Variants in WDR70 observed in about 807,000 individuals in gnomAD.
The protein encoded by WDR70 is WD repeat-containing protein 70.
A neutral mutation model predicts 88.6 loss-of-function variants in WDR70; 53 were observed. That is an observed-to-expected ratio of 0.60 (90% confidence interval 0.48 to 0.75). The LOEUF is 0.75. Ranked by LOEUF, WDR70 falls within the 30% of genes least tolerant of loss-of-function variation. WDR70 has a pLI of 0.00. For synonymous variants in WDR70, 280 were observed against 270.0 expected (o/e 1.04, Z -0.36); for missense variants, 610 against 823.2 (o/e 0.74, Z 3.17).
At chr5:37,736,184 T>A (rs1748301006) in intron 17 of WDR70, among the ~76,000 whole-genome samples, 6 of 152,196 alleles carry the variant, frequency 3.9e-5, no homozygotes. Context: ...GATAGATGTG[T>A]GTGGGAGCCT....
chr5:37,583,295 G>A lies in WDR70; in HGVS notation c.918-21769G>A, dbSNP rs1002691403. ...CAAAAAGTTAGCCAGGCGTGGTGGC[G>A]GGCTAGTCCCAGCTACTCTGGAGGC... is the stretch of plus-strand genomic sequence containing the variant. On this transcript the variant is annotated intron_variant, in intron 9 of 17. Transcript: ENST00000265107. Among the ~76,000 whole-genome samples the A allele has an allele frequency of 5.9e-5, 9 of 151,808 alleles. No individual in the cohort carries two copies. In the South Asian group the frequency reaches 6.3e-4, roughly 11 times the overall value.
At chr5:37,614,864 A>G (rs911666918) in intron 10 of WDR70, among the ~76,000 whole-genome samples, 1 of 152,208 alleles carries the variant, frequency 6.6e-6, no homozygotes, top group Non-Finnish European at 1.5e-5. Flanking sequence ...TAAACAGAAT[A>G]AGCAAGTCAG....
intron 9 of WDR70, among the ~76,000 whole-genome samples, chr5:37,586,175 T>C (rs1743359513): frequency 6.6e-6 from 1 of 152,178 alleles, no homozygotes; most frequent in South Asian, 2.1e-4. Flanking sequence ...CAGGTTTTAT[T>C]GATTCCCTTC....
At chr5:37,681,225 G>C (rs752014191) in intron 10 of WDR70, among the ~76,000 whole-genome samples, 12 of 150,266 alleles carry the variant, frequency 8.0e-5, no homozygotes, top group Admixed American at 4.0e-4. Flanking sequence ...ATTGCATCTT[G>C]GCTTGGCTGT....
intron 17 of WDR70, among the ~76,000 whole-genome samples, chr5:37,731,771 T>A (rs1192916975): frequency 6.6e-6 from 1 of 152,178 alleles, no homozygotes; most frequent in Non-Finnish European, 1.5e-5. Flanking sequence ...AATACTGATA[T>A]AAATACTCTT....
chr5:37,577,916 A>C (rs1743104717), intron 9 of WDR70, among the ~76,000 whole-genome samples: 1 of 152,210 alleles, frequency 6.6e-6, no homozygotes, highest in African/African-American at 2.4e-5. Context: ...GACATTGTAT[A>C]GGTGGTGTTG....
chr5:37,490,818 T>C (rs1740044115), intron 8 of WDR70, among the ~76,000 whole-genome samples: 1 of 152,114 alleles, frequency 6.6e-6, no homozygotes, highest in Non-Finnish European at 1.5e-5. Flanking sequence ...TACTGGATGC[T>C]GTGTGATCCA....
At chr5:37,554,678 GCACACACACA>G (rs3068425) in intron 9 of WDR70, among the ~76,000 whole-genome samples, 1 of 147,670 alleles carries the variant, frequency 6.8e-6, no homozygotes, top group Non-Finnish European at 1.5e-5. Context: ...GCACCTGCAC[GCACACACACA>G]CACACACACA....
At chr5:37,498,811 G>T (rs568105470) in intron 8 of WDR70, among the ~76,000 whole-genome samples, 2 of 152,318 alleles carry the variant, frequency 1.3e-5, no homozygotes, top group Admixed American at 1.3e-4. Context: ...AAACATTTGT[G>T]TGTAGGTTTC....
intron 9 of WDR70, among the ~76,000 whole-genome samples, chr5:37,563,785 C>A (rs1343162532): frequency 7.6e-6 from 1 of 132,446 alleles, no homozygotes; most frequent in Admixed American, 7.8e-5. Flanking sequence ...GGCTGCCGGG[C>A]GGAGGGGCTC....
At chr5:37,461,105 C>CA (rs10547667) in intron 7 of WDR70, among the ~76,000 whole-genome samples, 898 of 62,276 alleles carry the variant, frequency 0.014, 15 homozygotes, top group African/African-American at 0.043. Flanking sequence ...TTTCTAACCT[C>CA]AAAAAAAAAA....
chr5:37,455,415 T>C (rs1395097950), intron 7 of WDR70, among the ~76,000 whole-genome samples: 1 of 151,740 alleles, frequency 6.6e-6, no homozygotes, highest in East Asian at 1.9e-4. Context: ...CTAATTTTTG[T>C]ATTTTTAGTA....
In WDR70 at chr5:37,701,102, C is replaced by T. The variant is rs759624934; in HGVS notation, c.1237C>T (p.Pro413Ser). Residue 413 changes from proline (P) to serine (S), a missense_variant, in exon 12 of 18, where the codon CCA becomes TCA. Pro to Ser is a moderately conservative substitution (Grantham distance 74). This residue lies in a region of WDR70 where 254 missense variants were observed against 300.7 expected (regional missense o/e 0.84). Transcript: ENST00000265107. ...KLWDIRQFNK[P>S]LFSASGLPTM... ...ATGGGACATCCGACAATTTAATAAA[C>T]CACTTTTTTCAGCCTCGGGTCTTCC... 3 of 1,612,488 alleles carry T rather than the reference C, an allele frequency of 1.9e-6. No individual in the cohort carries two copies. The highest frequency in any genetic ancestry group is 2.5e-6 in the Non-Finnish European group (3 of 1,178,872).
intron 10 of WDR70, among the ~76,000 whole-genome samples, chr5:37,655,829 C>T (rs1438298604): frequency 6.6e-6 from 1 of 151,934 alleles, no homozygotes; most frequent in Non-Finnish European, 1.5e-5. Context: ...TTCTTGTTAG[C>T]AATTCCTCTA....
chr5:37,596,603 T>G (rs907292566), intron 9 of WDR70, among the ~76,000 whole-genome samples: 2 of 152,148 alleles, frequency 1.3e-5, no homozygotes, highest in Non-Finnish European at 2.9e-5. Context: ...AGCAATAGAA[T>G]AGAAGGTACC....
chr5:37,556,261 T>G (rs1434629392), intron 9 of WDR70, among the ~76,000 whole-genome samples: 2 of 152,148 alleles, frequency 1.3e-5, no homozygotes, highest in Admixed American at 1.3e-4. Flanking sequence ...CTTGCTTGAC[T>G]GAATTGTATG....
At chr5:37,686,320 G>C (rs1294899745) in intron 10 of WDR70, among the ~76,000 whole-genome samples, 3 of 150,354 alleles carry the variant, frequency 2.0e-5, no homozygotes, top group Non-Finnish European at 4.4e-5. Flanking sequence ...GTCTCACAAA[G>C]GGAAAAAAAA....
chr5:37,747,341 T>C (rs899135624), intron 17 of WDR70, among the ~76,000 whole-genome samples: 6 of 152,108 alleles, frequency 3.9e-5, no homozygotes. Context: ...CCAGTCAGAA[T>C]GATGATTATT....
chr5:37,552,072 G>A lies in WDR70; in HGVS notation c.917+35482G>A, dbSNP rs955994725. On this transcript the variant is annotated intron_variant, in intron 9 of 17. Transcript: ENST00000265107. ...CAGGCATGAGCTACTGCACCCAGCCGAGCTCCATATTTTTTTTTATGTCAA... is the reference window on the plus strand; with the variant it reads ...CAGGCATGAGCTACTGCACCCAGCCAAGCTCCATATTTTTTTTTATGTCAA... 2.6e-5 allele frequency among the ~76,000 whole-genome samples: 4 copies of A among 151,832 alleles called. No homozygotes were observed. In the East Asian group the frequency reaches 5.8e-4, roughly 22 times the overall value.
Sources: allele counts gnomAD v4.1 joint callset (sites outside exome capture counted in the v4.1 genomes callset), GRCh38; gene constraint gnomAD v4.1.1; regional missense constraint gnomAD v4.1.1; transcripts MANE v1.5; gene names NCBI Gene and HGNC (gene_info 2026-07-23, HGNC 2026-07-21).